The following SULF2 variants were observed in gnomAD, a reference collection of about 807,000 sequenced individuals.
SULF2 encodes the protein extracellular sulfatase Sulf-2.
In SULF2, 52 loss-of-function variants were observed where a neutral mutation model predicts 107.7. The ratio of observed to expected loss-of-function variants is 0.48; its 90% CI spans 0.39 to 0.61. SULF2 has a LOEUF of 0.61. Among genes scored for constraint, SULF2 ranks in the 20% least tolerant of loss-of-function variants. SULF2 has a pLI of 0.00. For missense variants in SULF2, 993 were observed against 1,177.3 expected (o/e 0.84, Z 2.29); for synonymous variants, 460 against 464.3 (o/e 0.99, Z 0.12).
In SULF2 at chr20:47,658,538, C is replaced by T; in HGVS notation, c.2583-146G>A. On this transcript the variant is annotated intron_variant, in intron 20 of 20. Transcript: ENST00000688720. The stretch of plus-strand genomic sequence containing the variant: ...GTTACTTAGAACGGGATTGCCACCA[C>T]CTAGTCACCTCAATTTTTTGTTTAC... 7.1e-6 allele frequency: 6 copies of T among 842,654 alleles called. No homozygotes were observed. In the South Asian group the frequency reaches 8.9e-5, roughly 12 times the overall value. 52.2% of individuals were successfully genotyped at this position (842,654 alleles called of 1,614,324 possible).
At chr20:47,689,821 G>A (rs1279456353) in intron 5 of SULF2, 2 of 246,976 alleles carry the variant, frequency 8.1e-6, no homozygotes, top group East Asian at 1.5e-4. Flanking sequence ...GTTTTTAGAT[G>A]TCTTAAATAA....
chr20:47,741,710 C>T (rs1401959602), intron 2 of SULF2, among the ~76,000 whole-genome samples: 4 of 152,148 alleles, frequency 2.6e-5, no homozygotes, highest in South Asian at 2.1e-4. Context: ...GGAGAAAGGA[C>T]GAAGCAGCTG....
chr20:47,716,805 G>C (rs1473682001), intron 3 of SULF2, among the ~76,000 whole-genome samples: 1 of 152,096 alleles, frequency 6.6e-6, no homozygotes. Flanking sequence ...AGACCAGCCT[G>C]CGTGACAAAG....
intron 17 of SULF2, 47 bp downstream of exon 17, chr20:47,663,023 A>C (rs368452370): frequency 1.1e-4 from 174 of 1,608,776 alleles, no homozygotes; most frequent in Non-Finnish European, 1.4e-4. Flanking sequence ...ACCTGGCAGC[A>C]CTGGTGTACC....
chr20:47,772,430 G>A (rs2090648181), intron 1 of SULF2, among the ~76,000 whole-genome samples: 1 of 150,908 alleles, frequency 6.6e-6, no homozygotes, highest in Admixed American at 6.6e-5. Context: ...TACTTAGATG[G>A]CAACAGTATA....
intron 2 of SULF2, 132 bp downstream of exon 2, chr20:47,757,057 G>C: frequency 1.2e-6 from 1 of 800,032 alleles, no homozygotes; most frequent in Non-Finnish European, 1.9e-6. Context: ...TGGGTGGCCC[G>C]TGTCTTGGTT....
At chr20:47,735,181 G>T (rs998317554) in intron 3 of SULF2, among the ~76,000 whole-genome samples, 1 of 151,996 alleles carries the variant, frequency 6.6e-6, no homozygotes, top group African/African-American at 2.4e-5. Flanking sequence ...GAAATGAGGG[G>T]GATTGATGAG....
intron 1 of SULF2, 121 bp downstream of exon 1, chr20:47,785,222 C>G (rs1180158793): frequency 6.7e-6 from 1 of 149,874 alleles, no homozygotes; most frequent in Non-Finnish European, 1.5e-5. Context: ...CCGGACCAGC[C>G]CCGGCTCACC....
At chr20:47,734,423 T>TA (rs2089682851) in intron 3 of SULF2, among the ~76,000 whole-genome samples, 1 of 152,226 alleles carries the variant, frequency 6.6e-6, no homozygotes, top group South Asian at 2.1e-4. Context: ...AAAAATAATC[T>TA]AAAAGGTTTT....
At chr20:47,752,343 A>T (rs778690963) in intron 2 of SULF2, among the ~76,000 whole-genome samples, 4 of 152,200 alleles carry the variant, frequency 2.6e-5, no homozygotes, top group Non-Finnish European at 4.4e-5. Context: ...TTTCCCAAGG[A>T]CACATGGTCA....
intron 3 of SULF2, among the ~76,000 whole-genome samples, chr20:47,723,023 T>C (rs1319300528): frequency 6.6e-6 from 1 of 151,996 alleles, no homozygotes; most frequent in Non-Finnish European, 1.5e-5. Context: ...ACCAAGATCG[T>C]GGCACAGCAC....
At chr20:47,676,747 A>C in intron 9 of SULF2, 124 bp from the exon 10 acceptor site, 1 of 1,175,606 alleles carries the variant, frequency 8.5e-7, no homozygotes. Flanking sequence ...TGGAGGGCGC[A>C]GGGCCACCTG....
intron 4 of SULF2, among the ~76,000 whole-genome samples, chr20:47,701,359 T>C (rs1429923384): frequency 2.0e-5 from 3 of 152,174 alleles, no homozygotes; most frequent in African/African-American, 7.2e-5. Flanking sequence ...TGCACGCATA[T>C]GTGGAAGAGA....
At chr20:47,718,787 T>C (rs1214843942) in intron 3 of SULF2, among the ~76,000 whole-genome samples, 1 of 152,100 alleles carries the variant, frequency 6.6e-6, no homozygotes, top group African/African-American at 2.4e-5. Context: ...TGGGGGTTGA[T>C]AAAGAAATCA....
At chr20:47,720,201 C>T (rs1015205826) in intron 3 of SULF2, among the ~76,000 whole-genome samples, 16 of 152,146 alleles carry the variant, frequency 1.1e-4, no homozygotes, top group Admixed American at 1.0e-3. Flanking sequence ...GATTCACCTG[C>T]TTTGGCCTCT....
intron 5 of SULF2, chr20:47,685,893 C>A (rs1051730386): frequency 1.3e-5 from 2 of 152,256 alleles, no homozygotes; most frequent in African/African-American, 4.8e-5. Flanking sequence ...GGAGGGACCC[C>A]AAGCAGGTAT....
At chr20:47,671,407 G>A (rs1245476560) in intron 11 of SULF2, among the ~76,000 whole-genome samples, 1 of 152,062 alleles carries the variant, frequency 6.6e-6, no homozygotes, top group Non-Finnish European at 1.5e-5. Flanking sequence ...CCGGGTTCAA[G>A]CGACTCTGCT....
intron 11 of SULF2, among the ~76,000 whole-genome samples, chr20:47,671,526 G>A (rs966178412): frequency 7.2e-5 from 11 of 151,954 alleles, no homozygotes; most frequent in African/African-American, 2.2e-4. Flanking sequence ...TGTCCACCTC[G>A]GCCTCTCAAA....
intron 16 of SULF2, 43 bp from the exon 17 acceptor site, chr20:47,663,255 A>C: frequency 6.2e-7 from 1 of 1,610,834 alleles, no homozygotes; most frequent in Non-Finnish European, 8.5e-7. Context: ...CTGCGGGAGG[A>C]GGCCCCATCT....
Sources: gnomAD v4.1 joint callset for allele counts (sites outside exome capture counted in the v4.1 genomes callset) on GRCh38, gnomAD v4.1.1 for gene constraint, MANE v1.5 for transcripts, NCBI Gene and HGNC (gene_info 2026-07-23, HGNC 2026-07-21) for gene names.